CACNA1S: variants seen among roughly 807,000 people sequenced by gnomAD.
CACNA1S encodes voltage-dependent L-type calcium channel subunit alpha-1S.
CACNA1S carries 126 observed loss-of-function variants against 207.4 expected under a neutral mutation model. That is an observed-to-expected ratio of 0.61 (90% CI 0.53 to 0.70). The LOEUF (loss-of-function observed/expected upper bound fraction) is 0.70. CACNA1S is among the 30% of genes least tolerant of loss of function. The pLI is 0.00. For synonymous variants in CACNA1S, 960 were observed against 932.7 expected (o/e 1.03, Z -0.53); for missense variants, 2,349 against 2,422.8 (o/e 0.97, Z 0.64).
intron 2 of CACNA1S, among the ~76,000 whole-genome samples, chr1:201,101,637 C>T (rs1203154960): frequency 6.6e-6 from 1 of 152,210 alleles, no homozygotes; most frequent in South Asian, 2.1e-4. Context: ...GAGGCACACA[C>T]ACCTTCTGGT....
chr1:201,095,721 G>A (rs918576100), intron 2 of CACNA1S, among the ~76,000 whole-genome samples: 1 of 152,222 alleles, frequency 6.6e-6, no homozygotes, highest in African/African-American at 2.4e-5. Flanking sequence ...GCAAAGCCAT[G>A]CCATTCTGTG....
intron 2 of CACNA1S, among the ~76,000 whole-genome samples, chr1:201,101,460 G>A (rs1464751243): frequency 2.0e-5 from 3 of 152,220 alleles, no homozygotes; most frequent in African/African-American, 7.2e-5. Flanking sequence ...AAAGAGCTAG[G>A]ATGGAACAAA....
chr1:201,071,988 T>G (rs962687728), intron 16 of CACNA1S, among the ~76,000 whole-genome samples: 4 of 152,190 alleles, frequency 2.6e-5, no homozygotes, highest in African/African-American at 9.7e-5. Context: ...GCTAATCAGC[T>G]GATTCCATAA....
In CACNA1S at chr1:201,051,115, TCTC is replaced by T; in HGVS notation, c.3979_3981del (p.Glu1327del). On this transcript the variant is annotated inframe_deletion, in exon 33 of 44. Transcript: ENST00000362061. Reference sequence around the variant, plus strand: ...TTCCCATAGCTGCAGGCCAGTAGGATCTCCTGCCAGGCCTCACCTGTTGCACAC... The same window carrying T: ...TTCCCATAGCTGCAGGCCAGTAGGATCTGCCAGGCCTCACCTGTTGCACAC... The T allele has an allele frequency of 6.2e-7, 1 of 1,614,116 alleles. No homozygotes were observed. The highest frequency in any genetic ancestry group is 2.2e-5 in the East Asian group (1 of 44,886).
chr1:201,087,983 C>A, intron 6 of CACNA1S, 54 bp from the exon 7 acceptor site: 1 of 1,186,202 alleles, frequency 8.4e-7, no homozygotes, highest in Non-Finnish European at 1.2e-6. Flanking sequence ...TCCTCTTCCC[C>A]AAGTCTGCTC....
intron 41 of CACNA1S, 69 bp from the exon 42 acceptor site, chr1:201,040,782 G>T: frequency 4.1e-6 from 5 of 1,233,224 alleles, no homozygotes; most frequent in Middle Eastern, 2.5e-4. Context: ...GTCAACAGAG[G>T]CTCGCTTGGC....
intron 2 of CACNA1S, among the ~76,000 whole-genome samples, chr1:201,098,304 T>G (rs1572067761): frequency 1.3e-5 from 2 of 152,276 alleles, no homozygotes; most frequent in South Asian, 4.1e-4. Flanking sequence ...TGAGATGAGG[T>G]CAGTGTAGGC....
intron 16 of CACNA1S, 58 bp downstream of exon 16, chr1:201,072,697 C>T (rs921140024): frequency 1.2e-5 from 16 of 1,312,904 alleles, no homozygotes; most frequent in South Asian, 4.7e-5. Context: ...AATTCAGGAC[C>T]GGCACACCCC....
intron 25 of CACNA1S, 55 bp downstream of exon 25, chr1:201,061,212 C>A: frequency 6.6e-7 from 1 of 1,525,424 alleles, no homozygotes; most frequent in Non-Finnish European, 9.1e-7. Flanking sequence ...GGGCTTGGGC[C>A]AGCAGGAGGC....
intron 22 of CACNA1S, among the ~76,000 whole-genome samples, chr1:201,065,345 A>G (rs951787346): frequency 2.6e-5 from 4 of 152,376 alleles, no homozygotes; most frequent in East Asian, 1.9e-4. Context: ...GCTATTAACC[A>G]TCATTGAAAG....
At chr1:201,094,816 C>A (rs1316806971) in intron 2 of CACNA1S, among the ~76,000 whole-genome samples, 1 of 152,136 alleles carries the variant, frequency 6.6e-6, no homozygotes, top group African/African-American at 2.4e-5. Context: ...CCCCACCCTG[C>A]AGAAGGCCCG....
Position 201,040,021 on chromosome 1 carries a change from C to T in CACNA1S, c.5432G>A (p.Gly1811Asp). The change falls in exon 44 of 44, where the codon GGC (glycine) becomes GAC (aspartate). Residue 1811 changes from glycine (G) to aspartate (D), a missense_variant. By Grantham distance (94) the Gly-to-Asp change is moderately conservative. Coordinates refer to ENST00000362061, the MANE Select transcript of CACNA1S (RefSeq NM_000069.3). ...AADANFIMAT[G>D]QALADACQME... ...TTGGCAGGCATCTGCCAGGGCCTGG[C>T]CTGTTGCCATGATGAAGTTTGCATC... 1 of 1,614,092 alleles carries T rather than the reference C, an allele frequency of 6.2e-7. No homozygotes were observed. The highest frequency in any genetic ancestry group is 8.5e-7 in the Non-Finnish European group (1 of 1,179,912).
intron 4 of CACNA1S, 37 bp from the exon 5 acceptor site, chr1:201,091,829 C>T (rs1313008957): frequency 1.2e-6 from 2 of 1,602,436 alleles, no homozygotes; most frequent in Non-Finnish European, 1.7e-6. Flanking sequence ...AGAGGAGTCG[C>T]CTCTGCTTGG....
chr1:201,061,769 A>G (rs1192783989), intron 24 of CACNA1S, among the ~76,000 whole-genome samples, 175 bp downstream of exon 24: 1 of 152,238 alleles, frequency 6.6e-6, no homozygotes, highest in Admixed American at 6.5e-5. Context: ...ACCCCTGGTC[A>G]GGCCTACTTT....
intron 1 of CACNA1S, 50 bp downstream of exon 1, chr1:201,112,138 C>T: frequency 6.4e-7 from 1 of 1,573,840 alleles, no homozygotes; most frequent in Non-Finnish European, 8.7e-7. Flanking sequence ...ACCCCGAATC[C>T]CTCCCTCATG....
chr1:201,041,938 G>C (rs1660243738), intron 40 of CACNA1S: 1 of 383,322 alleles, frequency 2.6e-6, no homozygotes, highest in African/African-American at 2.1e-5. Context: ...TCAAAGGTGA[G>C]TGGTGGCTGA....
Position 201,069,196 on chromosome 1 carries a change from T to C in CACNA1S, c.2491A>G (p.Ile831Val). Reference protein sequence around the residue: ...PIRADSMRNQILKHFDIGFTS... With the variant: ...PIRADSMRNQVLKHFDIGFTS... ...AACCCGATGTCAAAGTGTTTAAGGATCTGGGGACAGGGCAGGGGCGGGAGC... is the reference window on the plus strand; with the variant it reads ...AACCCGATGTCAAAGTGTTTAAGGACCTGGGGACAGGGCAGGGGCGGGAGC... The change falls in exon 19 of 44, where the codon ATC becomes GTC. Residue 831 changes from isoleucine (I) to valine (V), a missense_variant and splice_region_variant. Transcript: ENST00000362061. 1 of 1,614,036 alleles carries C rather than the reference T, an allele frequency of 6.2e-7. No individual in the cohort carries two copies.
intron 22 of CACNA1S, among the ~76,000 whole-genome samples, chr1:201,063,004 T>C (rs927999508): frequency 6.6e-6 from 1 of 152,162 alleles, no homozygotes; most frequent in African/African-American, 2.4e-5. Flanking sequence ...GCAGCAGAGT[T>C]GGAGCCCAGC....
chr1:201,065,713 A>T, intron 22 of CACNA1S, 125 bp downstream of exon 22: 1 of 724,164 alleles, frequency 1.4e-6, no homozygotes, highest in South Asian at 1.5e-5. Context: ...AAAATAAAAT[A>T]TTCTCATATG....
Sources: gnomAD v4.1 joint callset for allele counts (sites outside exome capture counted in the v4.1 genomes callset) on GRCh38, gnomAD v4.1.1 for gene constraint, MANE v1.5 for transcripts, NCBI Gene and HGNC (gene_info 2026-07-23, HGNC 2026-07-21) for gene names.